CTNNA3: variants seen among roughly 807,000 people sequenced by gnomAD.
CTNNA3 encodes the protein catenin alpha-3.
Under a neutral mutation model 95.7 loss-of-function variants are expected in CTNNA3, and 76 were observed. The observed-to-expected ratio is 0.79, with a 90% CI of 0.66 to 0.96. The LOEUF is 0.96. Ranked by LOEUF, CTNNA3 falls within the 40% of genes least tolerant of loss-of-function variation. The pLI, the probability that CTNNA3 is intolerant of heterozygous loss-of-function variation, is 0.00. For missense variants in CTNNA3, 1,191 were observed against 1,089.8 expected, an observed-to-expected ratio of 1.09 and a Z score of -1.31; for synonymous variants, 431 against 374.4, an observed-to-expected ratio of 1.15 and a Z score of -1.74.
intron 7 of CTNNA3, among the ~76,000 whole-genome samples, chr10:66,789,593 T>C (rs988405077): frequency 1.3e-5 from 2 of 152,220 alleles, no homozygotes; most frequent in African/African-American, 4.8e-5. Context: ...AATGTACACA[T>C]ATACTCCATT....
At chr10:67,134,678 GC>G (rs1461498664) in intron 7 of CTNNA3, among the ~76,000 whole-genome samples, 1 of 152,066 alleles carries the variant, frequency 6.6e-6, no homozygotes, top group Non-Finnish European at 1.5e-5. Flanking sequence ...GTTTTATCTA[GC>G]TTGGATCCTA....
intron 1 of CTNNA3, among the ~76,000 whole-genome samples, chr10:67,654,489 CT>C (rs35035624): frequency 1.5e-3 from 222 of 144,190 alleles, no homozygotes; most frequent in Middle Eastern, 3.6e-3. Context: ...TGTTATTCCA[CT>C]TTTTTTTTTT....
rs142752710 is a variant in CTNNA3, at chr10:65,988,697, T to G, written c.2260A>C (p.Asn754His). ...RMDVLARQIA[N>H]QCPDPSCKQD... Reference sequence around the variant, plus strand: ...TCCACTTGTAAGTAACTCACCTGATTAGCAATCTGCCGAGCAAGGACATCC... The same window carrying G: ...TCCACTTGTAAGTAACTCACCTGATGAGCAATCTGCCGAGCAAGGACATCC... Residue 754 changes from asparagine (N) to histidine (H), a missense_variant, in exon 16 of 18, where the codon AAT (asparagine) becomes CAT (histidine). Coordinates refer to ENST00000433211, the MANE Select transcript of CTNNA3 (RefSeq NM_013266.4). The G allele has an allele frequency of 1.2e-6, 2 of 1,612,840 alleles. No homozygotes were observed. Among genetic ancestry groups the G allele is most frequent in the Admixed American group, 1.7e-5 (1 of 60,004 alleles).
chr10:67,264,418 C>A (rs1589104780), intron 5 of CTNNA3, among the ~76,000 whole-genome samples: 1 of 152,262 alleles, frequency 6.6e-6, no homozygotes, highest in East Asian at 1.9e-4. Context: ...TATCTCCAAA[C>A]AGCTATATGA....
intron 7 of CTNNA3, among the ~76,000 whole-genome samples, chr10:67,037,262 A>G (rs1401200808): frequency 4.6e-5 from 7 of 152,102 alleles, no homozygotes; most frequent in Non-Finnish European, 1.0e-4. Context: ...CTTTAGAGAT[A>G]TTTAATCATT....
intron 13 of CTNNA3, among the ~76,000 whole-genome samples, chr10:66,238,361 A>T (rs2089958304): frequency 6.6e-6 from 1 of 152,030 alleles, no homozygotes; most frequent in African/African-American, 2.4e-5. Context: ...GTCATCTTAC[A>T]GATAAGTTTT....
At chr10:67,468,300 G>A (rs1317086939) in intron 5 of CTNNA3, among the ~76,000 whole-genome samples, 2 of 151,964 alleles carry the variant, frequency 1.3e-5, no homozygotes, top group African/African-American at 4.8e-5. Context: ...AGGCTGACGG[G>A]GGAGGATTGC....
At chr10:65,991,856 T>A (rs1204425434) in intron 15 of CTNNA3, among the ~76,000 whole-genome samples, 1 of 152,082 alleles carries the variant, frequency 6.6e-6, no homozygotes, top group Non-Finnish European at 1.5e-5. Flanking sequence ...TTCAGCTTTG[T>A]TCCAATCAGT....
At chr10:66,136,191 C>G (rs1265037482) in intron 13 of CTNNA3, among the ~76,000 whole-genome samples, 1 of 152,132 alleles carries the variant, frequency 6.6e-6, no homozygotes, top group Non-Finnish European at 1.5e-5. Context: ...CGTGAGCCAC[C>G]GCGCCAGGCC....
In CTNNA3 at chr10:66,148,320, CAAA is replaced by C. The variant is rs1475632643; in HGVS notation, c.1885-45074_1885-45072del. On this transcript the variant is annotated intron_variant, in intron 13 of 17. Transcript: ENST00000433211. ...GGCTTGTTTAAGAAAAATCTCACCA[CAAA>C]AATGTTGCACAAATAGTATCTACTA... Among the ~76,000 whole-genome samples the C allele has an allele frequency of 5.3e-5, 8 of 152,082 alleles. No individual in the cohort carries two copies. In the East Asian group the frequency reaches 1.5e-3, roughly 29 times the overall value.
chr10:66,639,828 A>C (rs1371130850), intron 9 of CTNNA3, among the ~76,000 whole-genome samples: 4 of 152,166 alleles, frequency 2.6e-5, no homozygotes, highest in Non-Finnish European at 5.9e-5. Flanking sequence ...AACATGAATA[A>C]ATTTACCAAG....
chr10:66,784,964 C>T (rs1396394699), intron 7 of CTNNA3, among the ~76,000 whole-genome samples: 2 of 152,144 alleles, frequency 1.3e-5, no homozygotes, highest in African/African-American at 4.8e-5. Flanking sequence ...GAAAGGAGGT[C>T]GGCTACTTGC....
chr10:66,309,712 A>AAAAG (rs2091983489), intron 12 of CTNNA3, among the ~76,000 whole-genome samples: 3 of 140,154 alleles, frequency 2.1e-5, no homozygotes, highest in East Asian at 4.2e-4. Context: ...AAAAAAAAAA[A>AAAAG]GGGTTAGATT....
chr10:66,692,639 C>A (rs1328490032), intron 9 of CTNNA3, among the ~76,000 whole-genome samples: 1 of 152,078 alleles, frequency 6.6e-6, no homozygotes, highest in South Asian at 2.1e-4. Context: ...TCGAGAAGAG[C>A]AACTCCAAGA....
At chr10:66,831,348 T>C (rs1842714253) in intron 7 of CTNNA3, among the ~76,000 whole-genome samples, 2 of 152,208 alleles carry the variant, frequency 1.3e-5, no homozygotes, top group South Asian at 4.1e-4. Context: ...TCACTCGTTC[T>C]GACTTTTCAA....
At chr10:67,122,931 C>A (rs531141170) in intron 7 of CTNNA3, among the ~76,000 whole-genome samples, 1 of 151,988 alleles carries the variant, frequency 6.6e-6, no homozygotes, top group Non-Finnish European at 1.5e-5. Flanking sequence ...GCACTTCTAC[C>A]AAGACAAATT....
At chr10:66,446,711 C>T (rs979143101) in intron 11 of CTNNA3, among the ~76,000 whole-genome samples, 64 of 152,112 alleles carry the variant, frequency 4.2e-4, no homozygotes, top group Non-Finnish European at 7.8e-4. Context: ...AACCCACAGC[C>T]AATATCATAC....
intron 12 of CTNNA3, among the ~76,000 whole-genome samples, chr10:66,370,135 T>C (rs1315093516): frequency 1.3e-5 from 2 of 152,254 alleles, no homozygotes; most frequent in East Asian, 3.9e-4. Context: ...GGACATAATA[T>C]CTTGGTTTAT....
In CTNNA3 at chr10:66,364,914, C is replaced by T. The variant is rs370012436; in HGVS notation, c.1732+14238G>A. ...GAAACCATGTTGCATGAATTAGCAA[C>T]GGAGAGGATTTCCTCTTCCACAGTA... On this transcript the variant is annotated intron_variant, in intron 12 of 17. Transcript: ENST00000433211. Among the ~76,000 whole-genome samples the T allele has an allele frequency of 4.5e-3, 679 of 152,246 alleles. 3 individuals carry two copies. Among genetic ancestry groups the T allele is most frequent in the South Asian group, 0.016 (75 of 4,822 alleles).
Sources: gnomAD v4.1 joint callset for allele counts (sites outside exome capture counted in the v4.1 genomes callset) on GRCh38, gnomAD v4.1.1 for gene constraint, MANE v1.5 for transcripts, NCBI Gene and HGNC (gene_info 2026-07-23, HGNC 2026-07-21) for gene names.